Variants in ARL15 observed in about 807,000 individuals in gnomAD.
ARL15 encodes the protein ADP-ribosylation factor-like protein 15.
Under a neutral mutation model 25.2 loss-of-function variants are expected in ARL15, and 19 were observed. The ratio of observed to expected loss-of-function variants is 0.75; its 90% CI spans 0.53 to 1.10. The LOEUF (loss-of-function observed/expected upper bound fraction) is 1.10, where lower values mean the gene tolerates loss of function less well. Ranked by LOEUF, ARL15 falls within the 50% of genes least tolerant of loss-of-function variation. The pLI is 0.00. For missense variants in ARL15, 220 were observed against 246.0 expected (o/e 0.89, Z 0.71); for synonymous variants, 94 against 86.8 (o/e 1.08, Z -0.46).
intron 1 of ARL15, among the ~76,000 whole-genome samples, chr5:54,191,757 T>G (rs552575212): frequency 7.7e-4 from 117 of 152,264 alleles, no homozygotes; most frequent in African/African-American, 2.7e-3. Context: ...GCTTTGATTA[T>G]TCCAAAAGCC....
intron 4 of ARL15, among the ~76,000 whole-genome samples, chr5:53,972,296 TA>T (rs1352390854): frequency 2.0e-5 from 3 of 152,134 alleles, no homozygotes; most frequent in Non-Finnish European, 4.4e-5. Context: ...TTTTCCTCCC[TA>T]AAAAAATACA....
chr5:54,217,497 C>T (rs1204055866), intron 1 of ARL15, among the ~76,000 whole-genome samples: 2 of 151,972 alleles, frequency 1.3e-5, no homozygotes, highest in Non-Finnish European at 2.9e-5. Flanking sequence ...ACCACCCTTC[C>T]CTAAGGATAG....
chr5:54,180,290 T>G (rs550009820), intron 1 of ARL15, among the ~76,000 whole-genome samples: 53 of 152,288 alleles, frequency 3.5e-4, no homozygotes, highest in African/African-American at 1.2e-3. Flanking sequence ...AGGTCTATAA[T>G]GAGCATGCGA....
chr5:53,923,154 C>A (rs10513024), intron 4 of ARL15, among the ~76,000 whole-genome samples: 29,805 of 152,090 alleles, frequency 0.2, 3,586 homozygotes, highest in Middle Eastern at 0.37. Flanking sequence ...TGCCTCTTCA[C>A]GATTCGGGCT....
intron 1 of ARL15, chr5:54,282,314 C>T: frequency 1.0e-6 from 1 of 985,428 alleles, no homozygotes; most frequent in African/African-American, 1.7e-5. Flanking sequence ...GATCTGGATG[C>T]ATTCAGACAT....
intron 4 of ARL15, among the ~76,000 whole-genome samples, chr5:53,993,311 C>G (rs977023676): frequency 6.6e-6 from 1 of 152,050 alleles, no homozygotes; most frequent in African/African-American, 2.4e-5. Flanking sequence ...CTGATTGAGT[C>G]ATAGAATGCA....
At chr5:53,897,946 T>C (rs999540076) in intron 4 of ARL15, among the ~76,000 whole-genome samples, 1 of 152,172 alleles carries the variant, frequency 6.6e-6, no homozygotes, top group African/African-American at 2.4e-5. Context: ...CCAATTAACA[T>C]AAATTTTGTA....
intron 1 of ARL15, among the ~76,000 whole-genome samples, chr5:54,216,166 A>G (rs1756201013): frequency 6.6e-6 from 1 of 152,232 alleles, no homozygotes; most frequent in South Asian, 2.1e-4. Flanking sequence ...AATGAATACT[A>G]GTCTCTAGAA....
chr5:53,989,952 G>A (rs1342646719), intron 4 of ARL15, among the ~76,000 whole-genome samples: 1 of 152,156 alleles, frequency 6.6e-6, no homozygotes, highest in Admixed American at 6.5e-5. Flanking sequence ...GAAAGCACAA[G>A]GCTGGGCACT....
intron 4 of ARL15, among the ~76,000 whole-genome samples, chr5:54,072,711 C>G (rs1484691542): frequency 6.6e-6 from 1 of 152,202 alleles, no homozygotes; most frequent in East Asian, 1.9e-4. Context: ...ACAGAAGATA[C>G]TGCATTAGGG....
chr5:54,250,130 C>T lies in ARL15; in HGVS notation c.48+60302G>A, dbSNP rs183114808. 2.6e-5 allele frequency among the ~76,000 whole-genome samples: 4 copies of T among 152,244 alleles called. No homozygotes were observed. The East Asian group carries it at 7.7e-4, about 29-fold the overall frequency. Reference sequence around the variant, plus strand: ...GGCAGAAGGCTAGCAGGGAGCAGGCCTGTCACATGGCAGGAGTGGGAGCAA... The same window carrying T: ...GGCAGAAGGCTAGCAGGGAGCAGGCTTGTCACATGGCAGGAGTGGGAGCAA... On this transcript the variant is annotated intron_variant, in intron 1 of 4. Coordinates refer to ENST00000504924, the MANE Select transcript of ARL15 (RefSeq NM_019087.3).
At chr5:54,210,533 A>T (rs542222561) in intron 1 of ARL15, among the ~76,000 whole-genome samples, 1 of 152,324 alleles carries the variant, frequency 6.6e-6, no homozygotes, top group African/African-American at 2.4e-5. Context: ...ACAGAACCCA[A>T]ATTCACCCAT....
chr5:53,999,721 C>T (rs540985838), intron 4 of ARL15, among the ~76,000 whole-genome samples: 1 of 152,060 alleles, frequency 6.6e-6, no homozygotes, highest in South Asian at 2.1e-4. Flanking sequence ...GAGACCAGCC[C>T]GACCAACATG....
chr5:54,181,247 C>T lies in ARL15; in HGVS notation c.49-9319G>A, dbSNP rs2112428992. Among the ~76,000 whole-genome samples, 6 of 152,202 alleles carry T rather than the reference C, an allele frequency of 3.9e-5. 1 individual carries two copies. In the South Asian group the frequency reaches 1.2e-3, roughly 32 times the overall value. Reference sequence around the variant, plus strand: ...TTCTTTTAAAAAAATCTAATTCTTACATTGTAATGGCTTGAAGGGAAAAAA... The same window carrying T: ...TTCTTTTAAAAAAATCTAATTCTTATATTGTAATGGCTTGAAGGGAAAAAA... On this transcript the variant is annotated intron_variant, in intron 1 of 4. Transcript: ENST00000504924.
At chr5:54,172,852 C>T (rs1754761102) in intron 1 of ARL15, among the ~76,000 whole-genome samples, 1 of 152,182 alleles carries the variant, frequency 6.6e-6, no homozygotes. Context: ...CTGGCCTTTG[C>T]TAAATTCTTT....
In ARL15 at chr5:54,310,547, C is replaced by CATACCTCCTTTTAAAT; in HGVS notation, c.-69_-68insATTTAAAAGGAGGTAT. On this transcript the variant is annotated 5_prime_UTR_variant, in exon 1 of 5. In the 5' UTR this introduces an upstream ATG that the reference lacks. Transcript: ENST00000504924. ...AAAAAGCAGCGTCTCTGGCTGCGAG[C>CATACCTCCTTTTAAAT]GAGCAGCTCCTGAAAAAGCCAGCAA... is the stretch of plus-strand genomic sequence containing the variant. 1 of 1,519,620 alleles carries CATACCTCCTTTTAAAT rather than the reference C, an allele frequency of 6.6e-7. No homozygotes were observed. The highest frequency in any genetic ancestry group is 2.1e-5 in the Admixed American group (1 of 47,820). 94.1% of individuals were successfully genotyped at this position (1,519,620 alleles called of 1,614,324 possible).
intron 4 of ARL15, among the ~76,000 whole-genome samples, chr5:54,065,705 A>C (rs964779206): frequency 1.4e-5 from 2 of 147,500 alleles, no homozygotes; most frequent in African/African-American, 2.4e-5. Flanking sequence ...ACAACCAAAA[A>C]ACAACAACTA....
At chr5:54,142,023 A>G (rs1753795203) in intron 3 of ARL15, among the ~76,000 whole-genome samples, 1 of 152,192 alleles carries the variant, frequency 6.6e-6, no homozygotes, top group African/African-American at 2.4e-5. Flanking sequence ...TAAACTGTGT[A>G]CAAGATTTTG....
At chr5:54,198,654 A>C (rs1032014876) in intron 1 of ARL15, among the ~76,000 whole-genome samples, 6 of 150,904 alleles carry the variant, frequency 4.0e-5, no homozygotes, top group Admixed American at 2.0e-4. Flanking sequence ...AGAGGATACA[A>C]ACAAATGGAA....
Sources: allele counts gnomAD v4.1 joint callset (sites outside exome capture counted in the v4.1 genomes callset), GRCh38; gene constraint gnomAD v4.1.1; transcripts MANE v1.5; gene names NCBI Gene and HGNC (gene_info 2026-07-23, HGNC 2026-07-21).